TARBP1: variants seen among roughly 807,000 people sequenced by gnomAD.
TARBP1 encodes tRNA guanosine 2 -O-methyltransferase TARBP1.
TARBP1 carries 144 observed loss-of-function variants against 178.6 expected under a neutral mutation model. The ratio of observed to expected loss-of-function variants is 0.81; its 90% CI spans 0.70 to 0.93. The LOEUF is 0.93. Among genes scored for constraint, TARBP1 ranks in the 40% least tolerant of loss-of-function variants. The pLI, the probability that TARBP1 is intolerant of heterozygous loss-of-function variation, is 0.00. For synonymous variants in TARBP1, 787 were observed against 781.0 expected (o/e 1.01, Z -0.13); for missense variants, 2,067 against 2,011.7 (o/e 1.03, Z -0.53).
chr1:234,392,326 A>G (rs1053399196), intron 29 of TARBP1, 90 bp downstream of exon 29: 32 of 1,501,722 alleles, frequency 2.1e-5, no homozygotes, highest in Middle Eastern at 3.5e-4. Context: ...ACAGAGTGAG[A>G]CTCCGTCTCA....
At position 234,478,217 on chromosome 1, in the gene TARBP1, G is replaced by A. The variant is rs745725033; in HGVS notation, c.887C>T (p.Ala296Val). The A allele has an allele frequency of 5.0e-6, 8 of 1,611,678 alleles. No homozygotes were observed. Among genetic ancestry groups the A allele is most frequent in the South Asian group, 1.1e-5 (1 of 90,940 alleles). ...YLLQRAVEVS[A>V]ELGADCTCGP... Reference sequence around the variant, plus strand: ...GCAGGTGCAGTCGGCCCCCAGCTCCGCCGACACCTCCACCGCCCTCTGCAG... The same window carrying A: ...GCAGGTGCAGTCGGCCCCCAGCTCCACCGACACCTCCACCGCCCTCTGCAG... The change falls in exon 1 of 30, where the codon GCG (alanine) becomes GTG (valine). Residue 296 changes from alanine to valine, a missense_variant. By Grantham distance (64) the Ala-to-Val change is moderately conservative. Transcript: ENST00000040877.
At chr1:234,470,590 GA>G (rs1389581456) in intron 3 of TARBP1, among the ~76,000 whole-genome samples, 5 of 146,540 alleles carry the variant, frequency 3.4e-5, no homozygotes, top group Non-Finnish European at 7.4e-5. Flanking sequence ...CTTAATTGTA[GA>G]AAATTCTGTG....
At chr1:234,399,201 A>G (rs982627406) in intron 25 of TARBP1, among the ~76,000 whole-genome samples, 1 of 152,260 alleles carries the variant, frequency 6.6e-6, no homozygotes, top group Non-Finnish European at 1.5e-5. Flanking sequence ...CTGCACCATA[A>G]AAATGACCAA....
intron 24 of TARBP1, among the ~76,000 whole-genome samples, chr1:234,403,922 A>G (rs1660959854): frequency 6.6e-6 from 1 of 152,132 alleles, no homozygotes; most frequent in Non-Finnish European, 1.5e-5. Flanking sequence ...TCCTGACCTC[A>G]GGCGATCCAC....
Position 234,478,223 on chromosome 1 carries a change from A to T in TARBP1, c.881T>A (p.Val294Glu). 11 of 1,611,134 alleles carry T rather than the reference A, an allele frequency of 6.8e-6. No individual in the cohort carries two copies. The highest frequency in any genetic ancestry group is 9.3e-6 in the Non-Finnish European group (11 of 1,179,370). The change falls in exon 1 of 30, where the codon GTG (valine) becomes GAG (glutamate). Residue 294 changes from valine to glutamate, a missense_variant. Coordinates refer to ENST00000040877, the MANE Select transcript of TARBP1 (RefSeq NM_005646.4). ...ARYLLQRAVE[V>E]SAELGADCTC... ...GCAGTCGGCCCCCAGCTCCGCCGAC[A>T]CCTCCACCGCCCTCTGCAGCAGGTA...
rs139295716 is a variant in TARBP1 at position 234,411,366 on chromosome 1, G to A, written c.3706-835C>T. ...TGAGCATCCTCAGGTTTTGGCATCC[G>A]TAGGGGGCCTGGAATCAATCCCCCA... On this transcript the variant is annotated intron_variant, in intron 22 of 29. Transcript: ENST00000040877. Among the ~76,000 whole-genome samples the A allele has an allele frequency of 1.4e-3, 206 of 152,278 alleles. 3 individuals are homozygous for A. In the Middle Eastern group the frequency reaches 0.037, roughly 28 times the overall value.
chr1:234,449,138 T>C (rs1205133180), intron 10 of TARBP1, among the ~76,000 whole-genome samples: 1 of 152,122 alleles, frequency 6.6e-6, no homozygotes, highest in African/African-American at 2.4e-5. Flanking sequence ...GATGCTCATG[T>C]GTGCACTAAG....
chr1:234,451,766 A>AAAAAAAAAAACAAAAAAAAAAACAC, intron 9 of TARBP1, among the ~76,000 whole-genome samples: 1 of 17,176 alleles, frequency 5.8e-5, no homozygotes, highest in African/African-American at 4.1e-4. Context: ...AAAAAAAAAA[A>AAAAAAAAAAACAAAAAAAAAAACAC]TGATGAATGA....
At chr1:234,413,356 C>A (rs946181886) in intron 22 of TARBP1, among the ~76,000 whole-genome samples, 1 of 152,178 alleles carries the variant, frequency 6.6e-6, no homozygotes, top group Non-Finnish European at 1.5e-5. Context: ...CACCTGTAAT[C>A]CCAGCTACTC....
At chr1:234,475,400 C>A (rs1669481587) in intron 1 of TARBP1, among the ~76,000 whole-genome samples, 1 of 152,258 alleles carries the variant, frequency 6.6e-6, no homozygotes, top group African/African-American at 2.4e-5. Context: ...TCACTCGGCA[C>A]TGACACTAGG....
chr1:234,416,381 C>T (rs1416109270), intron 22 of TARBP1, among the ~76,000 whole-genome samples: 1 of 152,182 alleles, frequency 6.6e-6, no homozygotes, highest in African/African-American at 2.4e-5. Context: ...TTGCAACCTC[C>T]ACCTCCCTGG....
At chr1:234,427,455 G>A in intron 18 of TARBP1, 67 bp from the exon 19 acceptor site, 11 of 1,467,424 alleles carry the variant, frequency 7.5e-6, no homozygotes, top group Non-Finnish European at 1.0e-5. Context: ...AATCCCCAAG[G>A]TTAAAGTTAA....
At chr1:234,395,905 C>G (rs1201469304) in intron 26 of TARBP1, among the ~76,000 whole-genome samples, 1 of 152,086 alleles carries the variant, frequency 6.6e-6, no homozygotes, top group African/African-American at 2.4e-5. Context: ...TTCCAAATAG[C>G]TAGAAGAGAG....
chr1:234,412,694 G>C (rs971394673), intron 22 of TARBP1, among the ~76,000 whole-genome samples: 3 of 152,114 alleles, frequency 2.0e-5, no homozygotes, highest in African/African-American at 7.2e-5. Context: ...TGTGAAGGGA[G>C]AGAGAGTTAT....
chr1:234,478,371 C>T lies in TARBP1; in HGVS notation c.733G>A (p.Gly245Ser), dbSNP rs1287877475. ...CGCGCGCCGCGGGCGCGGTCGCCGCCGGGCTCGGGCAACAGCTTCTCGGCC... is the reference window on the plus strand; with the variant it reads ...CGCGCGCCGCGGGCGCGGTCGCCGCTGGGCTCGGGCAACAGCTTCTCGGCC... Reference protein sequence around the residue: ...ALAEKLLPEPGGDRARGAREA... With the variant: ...ALAEKLLPEPSGDRARGAREA... Residue 245 changes from glycine to serine, a missense_variant, in exon 1 of 30, where the codon GGC becomes AGC. Gly to Ser is a moderately conservative substitution (Grantham distance 56). Transcript: ENST00000040877. 1.0e-5 allele frequency: 13 copies of T among 1,292,716 alleles called. No individual in the cohort carries two copies. The Admixed American group carries it at 2.2e-4, about 22-fold the overall frequency. 80.1% of individuals were successfully genotyped at this position (1,292,716 alleles called of 1,614,324 possible). A position where few individuals can be genotyped will look rare whatever the true frequency, so the allele number is the denominator to read the frequency against.
At chr1:234,420,215 C>T (rs1351324864) in intron 21 of TARBP1, among the ~76,000 whole-genome samples, 5 of 152,152 alleles carry the variant, frequency 3.3e-5, no homozygotes, top group African/African-American at 1.2e-4. Flanking sequence ...GATACCTGGC[C>T]TTTCCTTAGC....
intron 24 of TARBP1, among the ~76,000 whole-genome samples, chr1:234,403,600 T>C (rs1236257180): frequency 6.6e-6 from 1 of 152,228 alleles, no homozygotes; most frequent in Non-Finnish European, 1.5e-5. Flanking sequence ...CCCCAGCACC[T>C]GGCCTTGTGC....
At position 234,430,090 on chromosome 1, in the gene TARBP1, C is replaced by T. The variant is rs759257015; in HGVS notation, c.2606G>A (p.Ser869Asn). 6 of 1,609,764 alleles carry T rather than the reference C, an allele frequency of 3.7e-6. No homozygotes were observed. The highest frequency in any genetic ancestry group is 5.1e-6 in the Non-Finnish European group (6 of 1,176,410). Residue 869 changes from serine to asparagine, a missense_variant, in exon 15 of 30, where the codon AGC becomes AAC. By Grantham distance (46) the Ser-to-Asn change is conservative. Coordinates refer to ENST00000040877, the MANE Select transcript of TARBP1 (RefSeq NM_005646.4). ...TAAGCCTTAACCTTCCCTGTACCTG[C>T]TGCACTCCAAGGGGTGAGCATAACT... ...QSSYAHPLECSSVLEESSSSQ... is the reference protein window; with the variant it reads ...QSSYAHPLECNSVLEESSSSQ...
At chr1:234,391,835 T>C (rs1399506938) in intron 29 of TARBP1, 90 bp from the exon 30 acceptor site, 1 of 1,336,642 alleles carries the variant, frequency 7.5e-7, no homozygotes, top group African/African-American at 1.5e-5. Flanking sequence ...TATTCACTTA[T>C]TTTTCTCTTT....
Sources: gnomAD v4.1 joint callset for allele counts (sites outside exome capture counted in the v4.1 genomes callset) on GRCh38, gnomAD v4.1.1 for gene constraint, MANE v1.5 for transcripts, NCBI Gene and HGNC (gene_info 2026-07-23, HGNC 2026-07-21) for gene names.